Variants in BBS9 observed in about 807,000 individuals in gnomAD.
BBS9 encodes the protein protein PTHB1.
Under a neutral mutation model 117.7 loss-of-function variants are expected in BBS9, and 89 were observed. That is an observed-to-expected ratio of 0.76 (90% confidence interval 0.64 to 0.90). The LOEUF is 0.90. Among genes scored for constraint, BBS9 ranks in the 40% least tolerant of loss-of-function variants. The pLI is 0.00. For synonymous variants in BBS9, 379 were observed against 370.9 expected, an observed-to-expected ratio of 1.02 and a Z score of -0.25; for missense variants, 982 against 1,042.2, an observed-to-expected ratio of 0.94 and a Z score of 0.80.
chr7:33,133,708 A>G (rs1001413644), intron 1 of BBS9, among the ~76,000 whole-genome samples: 23 of 152,292 alleles, frequency 1.5e-4, no homozygotes, highest in Admixed American at 1.0e-3. Flanking sequence ...CAGCTGATGG[A>G]CATTTGGGTT....
At chr7:33,366,543 C>CTTTTTTT (rs70989948) in intron 16 of BBS9, among the ~76,000 whole-genome samples, 41 of 89,684 alleles carry the variant, frequency 4.6e-4, no homozygotes, top group Non-Finnish European at 5.6e-4. Context: ...TCTTTTCTTT[C>CTTTTTTT]TTTTTTTTTT....
chr7:33,602,729 C>CA (rs913115315), intron 21 of BBS9, among the ~76,000 whole-genome samples: 5 of 150,338 alleles, frequency 3.3e-5, no homozygotes, highest in South Asian at 4.2e-4. Context: ...AACTCTGTCT[C>CA]AAAAAAAAAG....
chr7:33,299,769 G>A (rs11975252), intron 9 of BBS9, among the ~76,000 whole-genome samples: 3,715 of 152,106 alleles, frequency 0.024, 141 homozygotes, highest in African/African-American at 0.083. Flanking sequence ...GGTACTACTA[G>A]TATTTTTTTA....
intron 5 of BBS9, among the ~76,000 whole-genome samples, chr7:33,248,662 T>C (rs1182474126): frequency 6.6e-6 from 1 of 152,214 alleles, no homozygotes; most frequent in African/African-American, 2.4e-5. Context: ...AGCAAACATG[T>C]TGTATCATTT....
intron 7 of BBS9, among the ~76,000 whole-genome samples, chr7:33,268,655 T>A (rs1209814383): frequency 6.6e-6 from 1 of 152,166 alleles, no homozygotes; most frequent in Non-Finnish European, 1.5e-5. Context: ...TTTTTTATTA[T>A]TGTTCTTAGC....
At chr7:33,482,541 T>G (rs1438883601) in intron 19 of BBS9, among the ~76,000 whole-genome samples, 1 of 152,098 alleles carries the variant, frequency 6.6e-6, no homozygotes, top group African/African-American at 2.4e-5. Flanking sequence ...GGAAATAATA[T>G]TATGTTAGGT....
intron 19 of BBS9, among the ~76,000 whole-genome samples, chr7:33,404,293 G>C (rs1381183259): frequency 6.6e-6 from 1 of 152,072 alleles, no homozygotes; most frequent in African/African-American, 2.4e-5. Flanking sequence ...CTCCAGCTTT[G>C]TTCTTTTGGC....
intron 5 of BBS9, among the ~76,000 whole-genome samples, chr7:33,186,100 G>A (rs1008123353): frequency 1.3e-5 from 2 of 152,132 alleles, no homozygotes; most frequent in African/African-American, 4.8e-5. Context: ...ATATAAAAGC[G>A]CTTTCTAGCT....
At chr7:33,245,680 A>G (rs192620408) in intron 5 of BBS9, among the ~76,000 whole-genome samples, 1 of 152,278 alleles carries the variant, frequency 6.6e-6, no homozygotes, top group Non-Finnish European at 1.5e-5. Flanking sequence ...TAATTGACAT[A>G]TTGCTAATCT....
intron 5 of BBS9, among the ~76,000 whole-genome samples, chr7:33,192,454 T>C (rs778237269): frequency 6.6e-6 from 1 of 152,188 alleles, no homozygotes; most frequent in African/African-American, 2.4e-5. Flanking sequence ...GGCAAAAATA[T>C]ATAGAATAAT....
chr7:33,223,429 A>G (rs76191768), intron 5 of BBS9, among the ~76,000 whole-genome samples: 4,357 of 152,316 alleles, frequency 0.029, 159 homozygotes, highest in African/African-American at 0.079. Context: ...ACCTGAAAAC[A>G]GTAGTTGTCT....
chr7:33,537,346 C>T (rs1453584832), intron 21 of BBS9, among the ~76,000 whole-genome samples: 2 of 152,182 alleles, frequency 1.3e-5, no homozygotes, highest in East Asian at 1.9e-4. Flanking sequence ...GAAAATCTTT[C>T]CCAGTGGGAA....
In BBS9 at chr7:33,495,265, G is replaced by A. The variant is rs746554294; in HGVS notation, c.2116-10198G>A. Among the ~76,000 whole-genome samples, 22 of 152,244 alleles carry A rather than the reference G, an allele frequency of 1.4e-4. No individual in the cohort carries two copies. The South Asian group carries it at 1.5e-3, about 10-fold the overall frequency. On this transcript the variant is annotated intron_variant, in intron 19 of 22. Transcript: ENST00000242067. Reference sequence around the variant, plus strand: ...TTGGGAGCATGCCCTACCTGATCACGTGTAATAATGTGTCTTAGCACTTGC... The same window carrying A: ...TTGGGAGCATGCCCTACCTGATCACATGTAATAATGTGTCTTAGCACTTGC...
rs372022330 is a variant in BBS9 at position 33,143,708 on chromosome 7, G to A, written c.-11-2534G>A. Reference sequence around the variant, plus strand: ...AGCCTCCTGAGTGGCTGGGATTACAGGTGCCCACTACCATGCCTGGCTAAT... The same window carrying A: ...AGCCTCCTGAGTGGCTGGGATTACAAGTGCCCACTACCATGCCTGGCTAAT... On this transcript the variant is annotated intron_variant, in intron 1 of 22. Transcript: ENST00000242067. 1.8e-4 allele frequency among the ~76,000 whole-genome samples: 27 copies of A among 151,908 alleles called. No individual in the cohort carries two copies. In the East Asian group the frequency reaches 2.7e-3, roughly 15 times the overall value.
At chr7:33,382,038 A>G (rs1027474245) in intron 17 of BBS9, among the ~76,000 whole-genome samples, 1 of 152,182 alleles carries the variant, frequency 6.6e-6, no homozygotes, top group Non-Finnish European at 1.5e-5. Flanking sequence ...TAGATCTTAG[A>G]TTCCCTAAGC....
At chr7:33,274,618 T>C (rs1179614114) in intron 9 of BBS9, among the ~76,000 whole-genome samples, 3 of 152,224 alleles carry the variant, frequency 2.0e-5, no homozygotes, top group African/African-American at 7.2e-5. Flanking sequence ...AGCAAACGTA[T>C]AGAAATACAA....
intron 5 of BBS9, among the ~76,000 whole-genome samples, chr7:33,215,415 G>A (rs1583667769): frequency 6.6e-6 from 1 of 152,196 alleles, no homozygotes; most frequent in East Asian, 1.9e-4. Context: ...TTCAATAAAT[G>A]CTGCTGGGAA....
chr7:33,144,707 G>A (rs1038856566), intron 1 of BBS9, among the ~76,000 whole-genome samples: 18 of 152,190 alleles, frequency 1.2e-4, no homozygotes, highest in African/African-American at 4.3e-4. Flanking sequence ...AGGCTGTGAT[G>A]TATCTTGTGG....
intron 9 of BBS9, among the ~76,000 whole-genome samples, chr7:33,289,677 A>G (rs896596518): frequency 6.6e-6 from 1 of 152,118 alleles, no homozygotes; most frequent in African/African-American, 2.4e-5. Flanking sequence ...GGTAGTTACA[A>G]TTCATATTAA....
Sources: gnomAD v4.1 joint callset for allele counts (sites outside exome capture counted in the v4.1 genomes callset) on GRCh38, gnomAD v4.1.1 for gene constraint, MANE v1.5 for transcripts, NCBI Gene and HGNC (gene_info 2026-07-23, HGNC 2026-07-21) for gene names.